The following CELF2 variants were observed in gnomAD, a reference collection of about 807,000 sequenced individuals.
The protein encoded by CELF2 is CUGBP Elav-like family member 2.
Under a neutral mutation model 62.6 loss-of-function variants are expected in CELF2, and 8 were observed. The ratio of observed to expected loss-of-function variants is 0.13; its 90% CI spans 0.07 to 0.23. The LOEUF (loss-of-function observed/expected upper bound fraction) is 0.23. Ranked by LOEUF, CELF2 falls within the 10% of genes least tolerant of loss-of-function variation. The pLI is 1.00. For missense variants in CELF2, 333 were observed against 671.0 expected (o/e 0.50, Z 5.56); for synonymous variants, 258 against 250.0 (o/e 1.03, Z -0.30).
chr10:11,182,488 A>T (rs143239047), intron 2 of CELF2, among the ~76,000 whole-genome samples: 30 of 152,316 alleles, frequency 2.0e-4, no homozygotes, highest in African/African-American at 6.3e-4. Flanking sequence ...AGCTTCCCTG[A>T]AGGTCATGTG....
the CELF2 span, among the ~76,000 whole-genome samples, chr10:10,645,174 A>C: frequency 6.6e-6 from 1 of 152,022 alleles, no homozygotes; most frequent in South Asian, 2.1e-4. Flanking sequence ...GCAAGATTGA[A>C]TCCCCCCTTG....
intron 2 of CELF2, chr10:10,948,537 G>A (rs977997250): frequency 6.6e-6 from 1 of 152,138 alleles, no homozygotes; most frequent in Non-Finnish European, 1.5e-5. Context: ...ATATAAATTT[G>A]TGGGCTTCAA....
chr10:11,160,691 T>A (rs887497423), intron 1 of CELF2, among the ~76,000 whole-genome samples: 1 of 150,112 alleles, frequency 6.7e-6, no homozygotes, highest in African/African-American at 2.5e-5. Context: ...AGATTATTAA[T>A]AACTACCAGG....
chr10:11,220,949 A>T lies in CELF2; in HGVS notation c.354+3442A>T, dbSNP rs1365530631. 6.6e-6 allele frequency among the ~76,000 whole-genome samples: 1 copy of T among 152,240 alleles called. No homozygotes were observed. Among genetic ancestry groups the T allele is most frequent in the Non-Finnish European group, 1.5e-5 (1 of 68,042 alleles). On this transcript the variant is annotated intron_variant, in intron 3 of 12. Transcript: ENST00000633077. The surrounding 1 kb of genome is among the most constrained non-coding windows in gnomAD (Gnocchi z 4.4). ...GCCCAAGGGGGCCTCTAGCTAATCT[A>T]GCTGGAAGGGTGGACAGTAGACAGG...
intron 1 of CELF2, among the ~76,000 whole-genome samples, chr10:11,051,956 T>TG (rs2064028616): frequency 6.8e-6 from 1 of 147,378 alleles, no homozygotes; most frequent in South Asian, 2.1e-4. Flanking sequence ...TGGAGTGCGG[T>TG]GGAGCAATGT....
In CELF2 at chr10:11,117,905, A is replaced by AT. The variant is rs992261822; in HGVS notation, c.75-47575dup. On this transcript the variant is annotated intron_variant, in intron 1 of 12. Transcript: ENST00000633077. This position sits in a 1 kb window ranked among gnomAD's most constrained non-coding sequence, Gnocchi z 4.1. ...CTTTTTCTGCGCTATCCTTTTATAC[A>AT]TTTTTTATAAGGCAGAATGCTTTGA... is the stretch of plus-strand genomic sequence containing the variant. Among the ~76,000 whole-genome samples, 6 of 151,988 alleles carry AT rather than the reference A, an allele frequency of 3.9e-5. No homozygotes were observed. The highest frequency in any genetic ancestry group is 7.3e-5 in the African/African-American group (3 of 41,366).
At chr10:10,518,725 T>TAAA in the CELF2 span, among the ~76,000 whole-genome samples, 1 of 68,920 alleles carries the variant, frequency 1.5e-5, no homozygotes, top group Non-Finnish European at 3.8e-5. Context: ...TGATTTTTTT[T>TAAA]TAAAAAAAAA....
chr10:10,940,089 A>G (rs1303841213), intron 2 of CELF2, among the ~76,000 whole-genome samples: 1 of 152,168 alleles, frequency 6.6e-6, no homozygotes, highest in Non-Finnish European at 1.5e-5. Context: ...TCTAAATTTT[A>G]TGCTTGCCAG....
chr10:11,022,093 T>G (rs983340660), intron 1 of CELF2, among the ~76,000 whole-genome samples: 1 of 152,250 alleles, frequency 6.6e-6, no homozygotes, highest in African/African-American at 2.4e-5. Context: ...TTATAAATAA[T>G]ACGGAGATAA....
intron 8 of CELF2, among the ~76,000 whole-genome samples, chr10:11,279,463 A>G (rs1427368228): frequency 1.3e-5 from 2 of 152,180 alleles, no homozygotes; most frequent in African/African-American, 4.8e-5. Flanking sequence ...GCGCTCCCGG[A>G]GTGGTGAAGT....
At chr10:11,226,511 A>G (rs1350440385) in intron 3 of CELF2, among the ~76,000 whole-genome samples, 1 of 152,146 alleles carries the variant, frequency 6.6e-6, no homozygotes, top group Non-Finnish European at 1.5e-5. Context: ...GAACAGCAGG[A>G]CCATGACAGT....
At chr10:10,679,533 G>A in the CELF2 span, among the ~76,000 whole-genome samples, 12 of 152,186 alleles carry the variant, frequency 7.9e-5, no homozygotes, top group Non-Finnish European at 1.0e-4. Flanking sequence ...CAAGTGATCC[G>A]CCAGCCTTGG....
intron 2 of CELF2, among the ~76,000 whole-genome samples, chr10:11,183,488 G>T (rs1053660279): frequency 6.6e-6 from 1 of 152,222 alleles, no homozygotes; most frequent in African/African-American, 2.4e-5. Context: ...GTATCATATA[G>T]TAGGTTTATA....
chr10:11,032,178 C>A (rs910692322), intron 1 of CELF2, among the ~76,000 whole-genome samples: 5 of 94,450 alleles, frequency 5.3e-5, no homozygotes, highest in African/African-American at 1.5e-4. Context: ...AAAATTGCTT[C>A]CAGGGGCCAC....
intron 10 of CELF2, chr10:11,320,731 C>A: frequency 1.0e-6 from 1 of 1,004,804 alleles, no homozygotes; most frequent in Non-Finnish European, 1.4e-6. Flanking sequence ...TTATTTCATC[C>A]TTTCCTCCTC....
rs182725717 is a variant in CELF2, at chr10:11,220,491, A to C, written c.354+2984A>C. 6.6e-6 allele frequency among the ~76,000 whole-genome samples: 1 copy of C among 152,236 alleles called. No homozygotes were observed. Among genetic ancestry groups the C allele is most frequent in the African/African-American group, 2.4e-5 (1 of 41,450 alleles). On this transcript the variant is annotated intron_variant, in intron 3 of 12. Coordinates refer to ENST00000633077, the MANE Select transcript of CELF2 (RefSeq NM_001326342.2). The surrounding 1 kb of genome is among the most constrained non-coding windows in gnomAD (Gnocchi z 4.4). ...CCTTTACATGTCAGGAATGAATTTT[A>C]GAAACCCTTTACATGGGGCTGGAGA...
At chr10:10,843,149 T>C (rs573284488) in intron 1 of CELF2, among the ~76,000 whole-genome samples, 1 of 152,166 alleles carries the variant, frequency 6.6e-6, no homozygotes, top group South Asian at 2.1e-4. Flanking sequence ...CCAGGTTTTA[T>C]ATCTGATATT....
At chr10:10,612,824 A>G in the CELF2 span, among the ~76,000 whole-genome samples, 6 of 152,196 alleles carry the variant, frequency 3.9e-5, no homozygotes, top group Non-Finnish European at 7.4e-5. Context: ...ATGACTGGTC[A>G]CTTCATCCTG....
At chr10:11,102,596 A>G (rs1275988765) in intron 1 of CELF2, among the ~76,000 whole-genome samples, 1 of 152,148 alleles carries the variant, frequency 6.6e-6, no homozygotes, top group Non-Finnish European at 1.5e-5. Context: ...CCCACTACCA[A>G]GTTCAGCCAT....
Sources: gnomAD v4.1 joint callset for allele counts (sites outside exome capture counted in the v4.1 genomes callset) on GRCh38, gnomAD v4.1.1 for gene constraint, Gnocchi (gnomAD v3.1) non-coding constraint, MANE v1.5 for transcripts, NCBI Gene and HGNC (gene_info 2026-07-23, HGNC 2026-07-21) for gene names.